DLGAP2: variants seen among roughly 807,000 people sequenced by gnomAD.
DLGAP2 encodes the protein disks large-associated protein 2.
In DLGAP2, 26 loss-of-function variants were observed where a neutral mutation model predicts 100.3. The ratio of observed to expected loss-of-function variants is 0.26; its 90% CI spans 0.19 to 0.36. The LOEUF (loss-of-function observed/expected upper bound fraction) is 0.36. Ranked by LOEUF, DLGAP2 falls within the 10% of genes least tolerant of loss-of-function variation. The pLI, the probability that DLGAP2 is intolerant of heterozygous loss-of-function variation, is 1.00. For synonymous variants in DLGAP2, 886 were observed against 630.1 expected (o/e 1.41, Z -6.08); for missense variants, 1,858 against 1,453.2 (o/e 1.28, Z -4.53).
chr8:997,967 G>GCATGCATACACA (rs1800831565), intron 2 of DLGAP2, among the ~76,000 whole-genome samples: 1 of 114,204 alleles, frequency 8.8e-6, no homozygotes, highest in Non-Finnish European at 1.9e-5. Context: ...ATGCATACAC[G>GCATGCATACACA]CATGCATGTA....
At chr8:919,279 C>G (rs1584889652) in intron 2 of DLGAP2, among the ~76,000 whole-genome samples, 2 of 152,300 alleles carry the variant, frequency 1.3e-5, no homozygotes, top group South Asian at 4.1e-4. Flanking sequence ...GCCGTCCTGT[C>G]CTAGGTGCCC....
chr8:1,199,966 G>A (rs1459892447), intron 2 of DLGAP2, among the ~76,000 whole-genome samples: 3 of 152,118 alleles, frequency 2.0e-5, no homozygotes, highest in Non-Finnish European at 4.4e-5. Context: ...CAGAGGCCGG[G>A]TCTCAGCAGG....
At chr8:874,843 C>G (rs780739298) in intron 1 of DLGAP2, among the ~76,000 whole-genome samples, 4 of 152,034 alleles carry the variant, frequency 2.6e-5, no homozygotes, top group African/African-American at 4.8e-5. Flanking sequence ...GAACTTGTGT[C>G]TTCATTTTTG....
chr8:1,539,972 G>A (rs1801304624), intron 4 of DLGAP2, among the ~76,000 whole-genome samples: 1 of 152,166 alleles, frequency 6.6e-6, no homozygotes, highest in Non-Finnish European at 1.5e-5. Context: ...ATGGCCTCCA[G>A]ACTCAGAAGC....
chr8:1,098,969 G>C (rs1379368426), intron 2 of DLGAP2, among the ~76,000 whole-genome samples: 1 of 152,200 alleles, frequency 6.6e-6, no homozygotes, highest in African/African-American at 2.4e-5. Flanking sequence ...AGGTGGGATA[G>C]GTGTGCATTC....
At chr8:823,640 T>C (rs565525077) in intron 1 of DLGAP2, among the ~76,000 whole-genome samples, 1 of 151,972 alleles carries the variant, frequency 6.6e-6, no homozygotes, top group African/African-American at 2.4e-5. Context: ...CCAGCAGGGA[T>C]GTGTGGGTGT....
chr8:1,142,652 G>T (rs1796541502), intron 2 of DLGAP2, among the ~76,000 whole-genome samples: 1 of 152,208 alleles, frequency 6.6e-6, no homozygotes, highest in Admixed American at 6.5e-5. Flanking sequence ...CTTCGGTGAA[G>T]TGGTAACAGC....
At chr8:1,220,021 T>A (rs1489172160) in intron 2 of DLGAP2, among the ~76,000 whole-genome samples, 1 of 152,128 alleles carries the variant, frequency 6.6e-6, no homozygotes, top group Non-Finnish European at 1.5e-5. Flanking sequence ...TTAATCTAGC[T>A]AGTGGTCTAT....
intron 2 of DLGAP2, among the ~76,000 whole-genome samples, chr8:923,497 C>A (rs187691008): frequency 6.6e-6 from 1 of 152,332 alleles, no homozygotes; most frequent in East Asian, 1.9e-4. Flanking sequence ...CTTAACCCTG[C>A]ATTCAGAATG....
intron 1 of DLGAP2, among the ~76,000 whole-genome samples, chr8:772,082 G>A (rs969086516): frequency 6.6e-6 from 1 of 151,808 alleles, no homozygotes; most frequent in African/African-American, 2.4e-5. Flanking sequence ...TCTATTTTTT[G>A]TAGAGACAAG....
chr8:921,799 C>G (rs1207664098), intron 2 of DLGAP2, among the ~76,000 whole-genome samples: 1 of 152,258 alleles, frequency 6.6e-6, no homozygotes, highest in East Asian at 1.9e-4. Flanking sequence ...CTCTTCTGCT[C>G]TTGGTCTTGG....
chr8:1,199,045 A>T (rs142291899), intron 2 of DLGAP2, among the ~76,000 whole-genome samples: 2 of 152,338 alleles, frequency 1.3e-5, no homozygotes, highest in East Asian at 3.9e-4. Context: ...AATAAAGGTG[A>T]AGTTCCAGAC....
chr8:1,202,692 C>T (rs1023921450), intron 2 of DLGAP2, among the ~76,000 whole-genome samples: 1 of 152,148 alleles, frequency 6.6e-6, no homozygotes, highest in Non-Finnish European at 1.5e-5. Context: ...GCAAGTGGGG[C>T]CCCAGGATCC....
chr8:1,177,700 G>T (rs1250909064), intron 2 of DLGAP2, among the ~76,000 whole-genome samples: 1 of 152,140 alleles, frequency 6.6e-6, no homozygotes, highest in Non-Finnish European at 1.5e-5. Context: ...CAGTTCTAGA[G>T]GCTGGAAGTC....
At chr8:1,382,347 G>A (rs146241631) in intron 3 of DLGAP2, among the ~76,000 whole-genome samples, 122 of 152,358 alleles carry the variant, frequency 8.0e-4, no homozygotes, top group African/African-American at 2.8e-3. Context: ...CAGTCTCAGG[G>A]TGGCAGAGGA....
At chr8:1,382,368 C>T (rs1796116831) in intron 3 of DLGAP2, among the ~76,000 whole-genome samples, 2 of 152,204 alleles carry the variant, frequency 1.3e-5, no homozygotes, top group Admixed American at 6.5e-5. Context: ...GGAAGAAGAT[C>T]CCCGTGTGAG....
At chr8:1,175,244 TA>T (rs111596666) in intron 2 of DLGAP2, among the ~76,000 whole-genome samples, 16 of 149,792 alleles carry the variant, frequency 1.1e-4, no homozygotes, top group African/African-American at 2.7e-4. Context: ...TGCTTGATTT[TA>T]AAAAAAAAAC....
chr8:837,660 G>A (rs892342659), intron 1 of DLGAP2, among the ~76,000 whole-genome samples: 1 of 123,024 alleles, frequency 8.1e-6, no homozygotes, highest in Admixed American at 9.6e-5. Flanking sequence ...ATTTGTTTGT[G>A]TGTATGTGTG....
At chr8:1,235,638 C>G (rs1464931326) in intron 2 of DLGAP2, among the ~76,000 whole-genome samples, 1 of 94,434 alleles carries the variant, frequency 1.1e-5, no homozygotes, top group African/African-American at 6.0e-5. Flanking sequence ...AGCATCATGT[C>G]TAGTTCTCTC....
Sources: gnomAD v4.1 joint callset for allele counts (sites outside exome capture counted in the v4.1 genomes callset) on GRCh38, gnomAD v4.1.1 for gene constraint, MANE v1.5 for transcripts, NCBI Gene and HGNC (gene_info 2026-07-23, HGNC 2026-07-21) for gene names.